Variants in RPS6KA5 observed in about 807,000 individuals in gnomAD.
The protein encoded by RPS6KA5 is ribosomal protein S6 kinase alpha-5.
In RPS6KA5, 27 loss-of-function variants were observed where a neutral mutation model predicts 85.5. That is an observed-to-expected ratio of 0.32 (90% CI 0.23 to 0.44). The LOEUF (loss-of-function observed/expected upper bound fraction) is 0.44. Among genes scored for constraint, RPS6KA5 ranks in the 20% least tolerant of loss-of-function variants. RPS6KA5 has a pLI of 1.00. For missense variants in RPS6KA5, 811 were observed against 980.9 expected, an observed-to-expected ratio of 0.83 and a Z score of 2.31; for synonymous variants, 334 against 348.2, an observed-to-expected ratio of 0.96 and a Z score of 0.46.
At chr14:90,968,034 T>C (rs1393299916) in intron 3 of RPS6KA5, among the ~76,000 whole-genome samples, 1 of 152,224 alleles carries the variant, frequency 6.6e-6, no homozygotes, top group Non-Finnish European at 1.5e-5. Flanking sequence ...GAATTTATTA[T>C]TTTATAATTT....
intron 2 of RPS6KA5, among the ~76,000 whole-genome samples, chr14:90,987,700 C>CAACAACA (rs1555373106): frequency 8.1e-4 from 123 of 151,612 alleles, no homozygotes; most frequent in African/African-American, 2.7e-3. Context: ...CAGCAGCAGC[C>CAACAACA]ACAACAACAA....
At chr14:90,891,145 C>G (rs2034529461) in intron 13 of RPS6KA5, among the ~76,000 whole-genome samples, 1 of 151,802 alleles carries the variant, frequency 6.6e-6, no homozygotes, top group African/African-American at 2.4e-5. Flanking sequence ...GTCATAATTC[C>G]ATAAGGACGG....
At chr14:90,932,741 G>A (rs1356324514) in intron 5 of RPS6KA5, among the ~76,000 whole-genome samples, 2 of 152,112 alleles carry the variant, frequency 1.3e-5, no homozygotes, top group South Asian at 2.1e-4. Flanking sequence ...GCATGATCAC[G>A]CACAAACTCA....
At chr14:90,999,355 T>C (rs957301935) in intron 2 of RPS6KA5, among the ~76,000 whole-genome samples, 1 of 152,230 alleles carries the variant, frequency 6.6e-6, no homozygotes, top group Non-Finnish European at 1.5e-5. Context: ...TACCCTTATA[T>C]GGACAGGTGT....
intron 1 of RPS6KA5, among the ~76,000 whole-genome samples, chr14:91,032,066 A>T (rs1286067736): frequency 2.0e-5 from 3 of 152,178 alleles, no homozygotes; most frequent in East Asian, 3.8e-4. Context: ...CACCGTTCTC[A>T]CCATTCTCAA....
chr14:90,967,779 A>G (rs2039141592), intron 3 of RPS6KA5, among the ~76,000 whole-genome samples: 1 of 152,222 alleles, frequency 6.6e-6, no homozygotes, highest in African/African-American at 2.4e-5. Flanking sequence ...CTGTGTCTCT[A>G]AGAAGCATAA....
intron 3 of RPS6KA5, among the ~76,000 whole-genome samples, chr14:90,969,200 C>T (rs2039209844): frequency 6.6e-6 from 1 of 152,142 alleles, no homozygotes; most frequent in Non-Finnish European, 1.5e-5. Flanking sequence ...TACAAAATTT[C>T]CAAGATTCTT....
chr14:91,025,061 G>A (rs188644401), intron 1 of RPS6KA5, among the ~76,000 whole-genome samples: 1 of 149,728 alleles, frequency 6.7e-6, no homozygotes, highest in South Asian at 2.1e-4. Context: ...TTTTTTTTAG[G>A]GGGGATGGAG....
At chr14:90,999,170 T>C (rs1318047034) in intron 2 of RPS6KA5, among the ~76,000 whole-genome samples, 3 of 151,890 alleles carry the variant, frequency 2.0e-5, no homozygotes, top group Non-Finnish European at 4.4e-5. Context: ...ATCGAGTCAC[T>C]ACACTCCAGC....
chr14:90,997,294 G>A (rs989422480), intron 2 of RPS6KA5, among the ~76,000 whole-genome samples: 1 of 152,156 alleles, frequency 6.6e-6, no homozygotes, highest in East Asian at 1.9e-4. Context: ...AAGTGTGCAT[G>A]ACTTTTTATA....
At chr14:90,953,032 G>T (rs1052384718) in intron 3 of RPS6KA5, among the ~76,000 whole-genome samples, 2 of 152,090 alleles carry the variant, frequency 1.3e-5, no homozygotes, top group African/African-American at 4.8e-5. Flanking sequence ...AAAGAATCCT[G>T]CGTCAAAACC....
At chr14:91,033,117 G>A (rs2042255925) in intron 1 of RPS6KA5, among the ~76,000 whole-genome samples, 1 of 151,468 alleles carries the variant, frequency 6.6e-6, no homozygotes, top group South Asian at 2.1e-4. Flanking sequence ...AACCTGGGAG[G>A]TGGAGCTTGC....
chr14:90,875,451 T>C (rs1013424565), intron 14 of RPS6KA5, 91 bp from the exon 15 acceptor site: 2 of 1,107,284 alleles, frequency 1.8e-6, no homozygotes, highest in African/African-American at 3.1e-5. Flanking sequence ...TGGTGTAATT[T>C]ACCAATTGCT....
chr14:91,027,188 C>A (rs1439660051), intron 1 of RPS6KA5, among the ~76,000 whole-genome samples: 1 of 152,068 alleles, frequency 6.6e-6, no homozygotes, highest in African/African-American at 2.4e-5. Flanking sequence ...GGAATTCTTT[C>A]CAAAGTCCGA....
At chr14:91,059,949 G>A in intron 1 of RPS6KA5, 1 of 837,006 alleles carries the variant, frequency 1.2e-6, no homozygotes, top group East Asian at 1.2e-4. Flanking sequence ...CCAAAACAAA[G>A]CGCCGCTCGC....
rs1038116113 is a variant in RPS6KA5 at position 90,894,690 on chromosome 14, C to A, written c.1474-107G>T. The stretch of plus-strand genomic sequence containing the variant: ...ACCACCAATACGTTTAAATAATCCC[C>A]TGTTAAAATAATCAATGGCAATCCT... On this transcript the variant is annotated intron_variant, in intron 12 of 16. Transcript: ENST00000614987. 5 of 1,263,954 alleles carry A rather than the reference C, an allele frequency of 4.0e-6. No individual in the cohort carries two copies. In the African/African-American group the frequency reaches 6.0e-5, roughly 15 times the overall value. The allele number at this position is 1,263,954 out of a possible 1,614,324, so 78.3% of individuals were successfully genotyped here.
At position 90,878,868 on chromosome 14, in the gene RPS6KA5, T is replaced by C. The variant is rs79148350; in HGVS notation, c.1837-3508A>G. Among the ~76,000 whole-genome samples the C allele has an allele frequency of 7.7e-4, 117 of 152,350 alleles. No individual in the cohort carries two copies. In the East Asian group the frequency reaches 0.022, roughly 28 times the overall value. ...TACCTGTTTCAAGTGGGGCCTAGCA[T>C]AGGCTTTTGTTATAGGTCCAATCCT... On this transcript the variant is annotated intron_variant, in intron 14 of 16. Transcript: ENST00000614987.
At chr14:91,023,724 C>A (rs2041882536) in intron 1 of RPS6KA5, among the ~76,000 whole-genome samples, 1 of 151,560 alleles carries the variant, frequency 6.6e-6, no homozygotes, top group East Asian at 1.9e-4. Context: ...TTGTATGTCA[C>A]TTTTAAGAAG....
At chr14:90,986,728 C>T (rs1480833368) in intron 2 of RPS6KA5, among the ~76,000 whole-genome samples, 3 of 152,158 alleles carry the variant, frequency 2.0e-5, no homozygotes, top group Non-Finnish European at 4.4e-5. Flanking sequence ...GGTTACATGC[C>T]ATCATTCTCT....
Sources: gnomAD v4.1 joint callset for allele counts (sites outside exome capture counted in the v4.1 genomes callset) on GRCh38, gnomAD v4.1.1 for gene constraint, MANE v1.5 for transcripts, NCBI Gene and HGNC (gene_info 2026-07-23, HGNC 2026-07-21) for gene names.